RANBP2: variants seen among roughly 807,000 people sequenced by gnomAD.
RANBP2 encodes the protein E3 SUMO-protein ligase RanBP2.
In RANBP2, 57 loss-of-function variants were observed where a neutral mutation model predicts 303.6. The observed-to-expected ratio is 0.19, with a 90% CI of 0.15 to 0.23. RANBP2 has a LOEUF of 0.23. Ranked by LOEUF, RANBP2 falls within the 10% of genes least tolerant of loss-of-function variation. The probability of loss-of-function intolerance (pLI) is 1.00; values close to 1 mark genes in which losing one functional copy is unlikely to be tolerated. For missense variants in RANBP2, 3,138 were observed against 3,780.8 expected, an observed-to-expected ratio of 0.83 and a Z score of 4.46; for synonymous variants, 1,167 against 1,301.5, an observed-to-expected ratio of 0.90 and a Z score of 2.23.
the RANBP2 span, among the ~76,000 whole-genome samples, chr2:109,210,606 C>T: frequency 3.9e-5 from 6 of 152,106 alleles, no homozygotes; most frequent in African/African-American, 9.7e-5. Flanking sequence ...TTGTGTCCAG[C>T]TCAGGGAAGT....
chr2:109,486,050 A>C, the RANBP2 span, among the ~76,000 whole-genome samples: 20 of 152,334 alleles, frequency 1.3e-4, no homozygotes, highest in African/African-American at 4.6e-4. Flanking sequence ...CCCTGCTTTC[A>C]ACCCATGTGT....
At chr2:109,204,677 C>T in the RANBP2 span, among the ~76,000 whole-genome samples, 6 of 152,148 alleles carry the variant, frequency 3.9e-5, no homozygotes, top group Non-Finnish European at 1.5e-5. Context: ...GCAGGATGCC[C>T]CATTGGAGAA....
the RANBP2 span, among the ~76,000 whole-genome samples, chr2:109,230,191 A>G: frequency 6.6e-6 from 1 of 152,064 alleles, no homozygotes; most frequent in Non-Finnish European, 1.5e-5. Context: ...TTGTTTATCC[A>G]TTCAAATACG....
At chr2:109,170,620 G>C in the RANBP2 span, among the ~76,000 whole-genome samples, 12 of 152,102 alleles carry the variant, frequency 7.9e-5, no homozygotes, top group Non-Finnish European at 1.6e-4. Context: ...AAAGCGCTGG[G>C]ATTACAGGTG....
chr2:109,464,533 C>A, the RANBP2 span, among the ~76,000 whole-genome samples: 31 of 152,332 alleles, frequency 2.0e-4, no homozygotes, highest in African/African-American at 7.0e-4. Context: ...GCCTTGCATA[C>A]ATACACATCC....
the RANBP2 span, among the ~76,000 whole-genome samples, chr2:109,697,920 C>T: frequency 2.8e-5 from 4 of 144,738 alleles, no homozygotes; most frequent in African/African-American, 7.8e-5. Context: ...AGTGCAGTGG[C>T]GCAATCTCGG....
intron 1 of RANBP2, among the ~76,000 whole-genome samples, chr2:108,722,473 A>G (rs949885749): frequency 6.6e-6 from 1 of 151,574 alleles, no homozygotes; most frequent in Non-Finnish European, 1.5e-5. Context: ...ATTCTCCCCC[A>G]GTTTGGCAGA....
chr2:109,719,095 A>T, the RANBP2 span, among the ~76,000 whole-genome samples: 1 of 125,082 alleles, frequency 8.0e-6, no homozygotes, highest in Non-Finnish European at 1.7e-5. Flanking sequence ...TGTGAATTAT[A>T]TCTTTTTTTT....
chr2:109,186,399 A>G, the RANBP2 span, among the ~76,000 whole-genome samples: 1 of 152,240 alleles, frequency 6.6e-6, no homozygotes, highest in African/African-American at 2.4e-5. Flanking sequence ...TAAGAGGCGG[A>G]GCCTCGATAC....
At chr2:108,890,232 CTTTTTTT>C in the RANBP2 span, among the ~76,000 whole-genome samples, 7 of 114,696 alleles carry the variant, frequency 6.1e-5, no homozygotes, top group African/African-American at 1.4e-4. Context: ...ATGGGGTTTT[CTTTTTTT>C]TTTTTTTTTT....
chr2:109,128,921 C>G, the RANBP2 span: 3 of 375,160 alleles, frequency 8.0e-6, no homozygotes, highest in South Asian at 5.6e-5. Context: ...GGAAGTCCTG[C>G]AGGCACGGCG....
chr2:109,506,224 T>C, the RANBP2 span, among the ~76,000 whole-genome samples: 1 of 152,206 alleles, frequency 6.6e-6, no homozygotes, highest in Admixed American at 6.5e-5. Context: ...GGTTTTGTGA[T>C]GGGAGTTGGT....
At chr2:109,187,341 G>A in the RANBP2 span, among the ~76,000 whole-genome samples, 116 of 144,568 alleles carry the variant, frequency 8.0e-4, no homozygotes, top group Non-Finnish European at 1.3e-3. Context: ...TTTCTCCAGA[G>A]TGCAAAAGAC....
the RANBP2 span, among the ~76,000 whole-genome samples, chr2:109,191,306 A>G: frequency 6.6e-6 from 1 of 152,216 alleles, no homozygotes; most frequent in Non-Finnish European, 1.5e-5. Context: ...TAAGTGTGCA[A>G]TGCCCTGGAG....
At chr2:108,749,426 T>TA (rs1675672050) in intron 9 of RANBP2, among the ~76,000 whole-genome samples, 1 of 152,156 alleles carries the variant, frequency 6.6e-6, no homozygotes, top group South Asian at 2.1e-4. Context: ...GTCTCCCAAG[T>TA]AGCGGGATTA....
chr2:109,605,995 T>C, the RANBP2 span, among the ~76,000 whole-genome samples: 1 of 152,184 alleles, frequency 6.6e-6, no homozygotes, highest in South Asian at 2.1e-4. Flanking sequence ...GAATGAGGTC[T>C]GGGGCAAGGA....
At chr2:109,184,413 A>C in the RANBP2 span, among the ~76,000 whole-genome samples, 1 of 152,226 alleles carries the variant, frequency 6.6e-6, no homozygotes, top group Non-Finnish European at 1.5e-5. Context: ...GAAAGCAGAT[A>C]TGTCAGATGT....
chr2:109,574,462 A>C, the RANBP2 span: 2 of 640,656 alleles, frequency 3.1e-6, no homozygotes, highest in African/African-American at 3.8e-5. Context: ...AAAAAAAAAA[A>C]AAAATTTAAA....
downstream of RANBP2, chr2:108,788,764 A>T: frequency 6.7e-7 from 1 of 1,501,284 alleles, no homozygotes; most frequent in South Asian, 1.3e-5. Context: ...AGATTTTAAA[A>T]ATAGTATTAT....
Sources: gnomAD v4.1 joint callset for allele counts (sites outside exome capture counted in the v4.1 genomes callset) on GRCh38, gnomAD v4.1.1 for gene constraint, MANE v1.5 for transcripts, NCBI Gene and HGNC (gene_info 2026-07-23, HGNC 2026-07-21) for gene names.